Variants in MYO9A observed in about 807,000 individuals in gnomAD.
The protein encoded by MYO9A is myosin IXA.
A neutral mutation model predicts 293.3 loss-of-function variants in MYO9A; 103 were observed. The ratio of observed to expected loss-of-function variants is 0.35; its 90% confidence interval spans 0.30 to 0.41. The LOEUF (loss-of-function observed/expected upper bound fraction) is 0.41. Among genes scored for constraint, MYO9A ranks in the 10% least tolerant of loss-of-function variants. The pLI is 1.00. For synonymous variants in MYO9A, 1,001 were observed against 1,035.7 expected, an observed-to-expected ratio of 0.97 and a Z score of 0.64; for missense variants, 2,685 against 3,033.0, an observed-to-expected ratio of 0.89 and a Z score of 2.69.
intron 1 of MYO9A, among the ~76,000 whole-genome samples, chr15:72,111,146 G>A (rs890035618): frequency 1.1e-4 from 16 of 147,344 alleles, no homozygotes; most frequent in African/African-American, 3.0e-4. Context: ...GCAACAGAGC[G>A]AGACTCCATC....
At chr15:71,934,447 A>C (rs1398790547) in intron 17 of MYO9A, among the ~76,000 whole-genome samples, 1 of 152,180 alleles carries the variant, frequency 6.6e-6, no homozygotes, top group South Asian at 2.1e-4. Flanking sequence ...GGCTAGAGCA[A>C]GACCTACATA....
At chr15:71,858,958 C>T (rs2055992987) in intron 34 of MYO9A, among the ~76,000 whole-genome samples, 1 of 152,014 alleles carries the variant, frequency 6.6e-6, no homozygotes, top group Non-Finnish European at 1.5e-5. Context: ...TCCTAAAGTA[C>T]AATTTGCCTG....
intron 28 of MYO9A, among the ~76,000 whole-genome samples, chr15:71,882,614 T>C (rs1218361763): frequency 6.6e-6 from 1 of 151,996 alleles, no homozygotes; most frequent in African/African-American, 2.4e-5. Flanking sequence ...CTAAGCAACA[T>C]AGTGAAACCT....
chr15:71,857,091 T>TC (rs1382941753), intron 34 of MYO9A, among the ~76,000 whole-genome samples: 1 of 152,212 alleles, frequency 6.6e-6, no homozygotes, highest in Non-Finnish European at 1.5e-5. Context: ...TTTATTTAAA[T>TC]CCCTATGGCA....
chr15:71,944,223 T>C (rs1173552473), intron 15 of MYO9A, among the ~76,000 whole-genome samples: 1 of 152,140 alleles, frequency 6.6e-6, no homozygotes, highest in South Asian at 2.1e-4. Context: ...GGAGTTTTTA[T>C]ATTTTGTTTT....
chr15:71,950,711 G>A (rs2059029357), intron 15 of MYO9A, among the ~76,000 whole-genome samples: 1 of 152,100 alleles, frequency 6.6e-6, no homozygotes, highest in Non-Finnish European at 1.5e-5. Context: ...GACAGCAATG[G>A]CAATTGAAAA....
intron 2 of MYO9A, chr15:72,041,314 T>C: frequency 1.3e-6 from 1 of 752,716 alleles, no homozygotes; most frequent in South Asian, 1.3e-5. Context: ...TCTGGCAGTT[T>C]AAGATCCTCA....
At chr15:71,878,691 A>C (rs1248779451) in intron 30 of MYO9A, among the ~76,000 whole-genome samples, 1 of 147,762 alleles carries the variant, frequency 6.8e-6, no homozygotes, top group Non-Finnish European at 1.5e-5. Context: ...ACATCATATT[A>C]TTTGCAAGGA....
rs370028353 is a variant in MYO9A at position 71,827,021 on chromosome 15, G to A, written c.7206C>T (p.Ser2402=). The change falls in exon 42 of 42, where the codon TCC becomes TCT. Residue 2402 remains serine (S), a synonymous_variant. Transcript: ENST00000356056. ...GTTCAGACTTGCCAGCTGTCTTCAG[G>A]GAGCTAAGGGCTAAGCTTCTTTCTA... ...EKSERSLALS[S]LKTAGKSEPS... 3.3e-5 allele frequency: 52 copies of A among 1,594,584 alleles called. No homozygotes were observed. The highest frequency in any genetic ancestry group is 4.2e-5 in the Non-Finnish European group (49 of 1,172,888).
intron 16 of MYO9A, among the ~76,000 whole-genome samples, chr15:71,935,865 C>A (rs2058625787): frequency 6.6e-6 from 1 of 151,290 alleles, no homozygotes; most frequent in Non-Finnish European, 1.5e-5. Flanking sequence ...ACTATCCCAT[C>A]CTATGGAATA....
chr15:71,965,743 A>AAAAC (rs760153421), intron 13 of MYO9A, among the ~76,000 whole-genome samples: 2 of 152,356 alleles, frequency 1.3e-5, no homozygotes, highest in African/African-American at 2.4e-5. Context: ...ACTCCGTCTC[A>AAAAC]AAACAAACAA....
chr15:72,002,671 T>G (rs1164286349), intron 8 of MYO9A, among the ~76,000 whole-genome samples: 1 of 152,188 alleles, frequency 6.6e-6, no homozygotes, highest in African/African-American at 2.4e-5. Context: ...AACTATGTAT[T>G]CTTTATAAAA....
chr15:72,071,714 C>T (rs1477243631), intron 1 of MYO9A, among the ~76,000 whole-genome samples: 1 of 152,028 alleles, frequency 6.6e-6, no homozygotes, highest in African/African-American at 2.4e-5. Context: ...ATGATCCCAC[C>T]ACTGCACTCC....
At chr15:71,830,775 A>G (rs1595982933) in intron 39 of MYO9A, among the ~76,000 whole-genome samples, 2 of 152,208 alleles carry the variant, frequency 1.3e-5, no homozygotes, top group African/African-American at 4.8e-5. Flanking sequence ...GTTCTGATGG[A>G]TAACAGTGCT....
rs1223977598 is a variant in MYO9A, at chr15:72,117,908, G to A, written c.-300C>T. The A allele has an allele frequency of 2.5e-6, 1 of 398,444 alleles. No homozygotes were observed. Among genetic ancestry groups the A allele is most frequent in the Non-Finnish European group, 4.4e-6 (1 of 225,900 alleles). The allele number at this position is 398,444 out of a possible 1,614,324, so 24.7% of individuals were successfully genotyped here. ...CCCGGCCTGAGCAGGCACATCCCCC[G>A]CCGCACCCCGCCCAGAGAGCACGCG... On this transcript the variant is annotated 5_prime_UTR_variant, in exon 1 of 42. Coordinates refer to ENST00000356056, the MANE Select transcript of MYO9A (RefSeq NM_006901.4).
chr15:71,872,976 G>A (rs938422290), intron 32 of MYO9A, among the ~76,000 whole-genome samples: 3 of 151,304 alleles, frequency 2.0e-5, no homozygotes, highest in Non-Finnish European at 2.9e-5. Context: ...GCAGTGGCGC[G>A]ATCTCGGCTC....
intron 18 of MYO9A, among the ~76,000 whole-genome samples, chr15:71,920,571 C>A (rs996848533): frequency 1.3e-5 from 2 of 151,976 alleles, no homozygotes; most frequent in East Asian, 3.8e-4. Flanking sequence ...TATAAATTAC[C>A]CAATCTAAAA....
chr15:71,995,960 G>C (rs1336488362), intron 9 of MYO9A, among the ~76,000 whole-genome samples: 2 of 152,016 alleles, frequency 1.3e-5, no homozygotes, highest in African/African-American at 2.4e-5. Context: ...GCAGAAAGAA[G>C]ACTGGTACCA....
chr15:71,860,004 T>C lies in MYO9A; in HGVS notation c.6092-208A>G, dbSNP rs28449356. Among the ~76,000 whole-genome samples the C allele has an allele frequency of 5.6e-3, 859 of 152,298 alleles. 12 individuals are homozygous for C. The highest frequency in any genetic ancestry group is 0.02 in the African/African-American group (812 of 41,562). On this transcript the variant is annotated intron_variant, in intron 33 of 41. Transcript: ENST00000356056. Reference sequence around the variant, plus strand: ...AATGAAGTTGAAAACATGATCAAAATTTCTAGCCACAGTCAATGAAAAAGC... The same window carrying C: ...AATGAAGTTGAAAACATGATCAAAACTTCTAGCCACAGTCAATGAAAAAGC...
Sources: allele counts gnomAD v4.1 joint callset (sites outside exome capture counted in the v4.1 genomes callset), GRCh38; gene constraint gnomAD v4.1.1; transcripts MANE v1.5; gene names NCBI Gene and HGNC (gene_info 2026-07-23, HGNC 2026-07-21).